Variants in LDB2 observed in about 807,000 individuals in gnomAD.
LDB2 encodes LIM domain-binding protein 2.
A neutral mutation model predicts 44.3 loss-of-function variants in LDB2; 12 were observed. The observed-to-expected ratio is 0.27, with a 90% CI of 0.17 to 0.44. The LOEUF is 0.44. Ranked by LOEUF, LDB2 falls within the 20% of genes least tolerant of loss-of-function variation. LDB2 has a pLI of 1.00. For missense variants in LDB2, 344 were observed against 473.5 expected (o/e 0.73, Z 2.54); for synonymous variants, 164 against 174.8 (o/e 0.94, Z 0.49).
chr4:16,773,166 T>C (rs1239617396), intron 1 of LDB2, among the ~76,000 whole-genome samples: 1 of 152,152 alleles, frequency 6.6e-6, no homozygotes, highest in African/African-American at 2.4e-5. Context: ...TAGGAGGATA[T>C]CTGTCTTTAT....
intron 1 of LDB2, among the ~76,000 whole-genome samples, chr4:16,821,779 T>G (rs942502864): frequency 2.8e-5 from 3 of 106,262 alleles, no homozygotes; most frequent in African/African-American, 9.6e-5. Flanking sequence ...AATCAGGAAT[T>G]TATAAGGTAA....
intron 5 of LDB2, among the ~76,000 whole-genome samples, chr4:16,568,342 A>G (rs1394074639): frequency 6.6e-6 from 1 of 152,208 alleles, no homozygotes; most frequent in African/African-American, 2.4e-5. Flanking sequence ...GGGAGTACAA[A>G]GGATTTATTT....
At chr4:16,679,898 G>A (rs1256525712) in intron 2 of LDB2, among the ~76,000 whole-genome samples, 1 of 152,190 alleles carries the variant, frequency 6.6e-6, no homozygotes, top group Non-Finnish European at 1.5e-5. Context: ...AGGAATGATT[G>A]TCCCTTTCTG....
chr4:16,858,297 G>C (rs2110237288), intron 1 of LDB2, among the ~76,000 whole-genome samples: 1 of 152,280 alleles, frequency 6.6e-6, no homozygotes, highest in Non-Finnish European at 1.5e-5. Flanking sequence ...GAATGGGCAG[G>C]CATGGTGAAA....
intron 7 of LDB2, among the ~76,000 whole-genome samples, chr4:16,503,812 A>AT (rs1235994567): frequency 6.6e-6 from 1 of 152,234 alleles, no homozygotes; most frequent in African/African-American, 2.4e-5. Context: ...TTGTCCTTCC[A>AT]TGCAAATAAG....
intron 5 of LDB2, chr4:16,581,299 G>T: frequency 2.2e-6 from 1 of 464,122 alleles, no homozygotes; most frequent in Non-Finnish European, 2.8e-6. Context: ...AAGGCTCAGA[G>T]AGGTCAAGCA....
At chr4:16,601,717 T>G (rs532485525) in intron 2 of LDB2, among the ~76,000 whole-genome samples, 1 of 152,196 alleles carries the variant, frequency 6.6e-6, no homozygotes, top group African/African-American at 2.4e-5. Context: ...AATTCTGCTA[T>G]ATCTCAAAAA....
At chr4:16,779,751 T>C (rs534427433) in intron 1 of LDB2, among the ~76,000 whole-genome samples, 46 of 152,364 alleles carry the variant, frequency 3.0e-4, no homozygotes, top group African/African-American at 1.1e-3. Flanking sequence ...TTCAGTTGAC[T>C]GAATGCAGTG....
At chr4:16,693,918 T>C (rs1307094743) in intron 2 of LDB2, among the ~76,000 whole-genome samples, 1 of 152,172 alleles carries the variant, frequency 6.6e-6, no homozygotes, top group Non-Finnish European at 1.5e-5. Flanking sequence ...GAGATGCAAA[T>C]TTATGGCAAT....
intron 5 of LDB2, among the ~76,000 whole-genome samples, chr4:16,569,935 A>G (rs1745817349): frequency 6.6e-6 from 1 of 152,178 alleles, no homozygotes; most frequent in Non-Finnish European, 1.5e-5. Flanking sequence ...AAGAACATCA[A>G]GTCTCTGGAG....
chr4:16,554,354 G>A lies in LDB2; in HGVS notation c.615+31568C>T, dbSNP rs530633921. 2.8e-4 allele frequency among the ~76,000 whole-genome samples: 43 copies of A among 152,186 alleles called. 1 individual carries two copies. The South Asian group carries it at 8.1e-3, about 29-fold the overall frequency. On this transcript the variant is annotated intron_variant, in intron 5 of 7. Coordinates refer to ENST00000304523, the MANE Select transcript of LDB2 (RefSeq NM_001290.5). ...TGTGAGCCACTGCGCCCGGCCAGCC[G>A]AAATGGTTTTTGAAACTCATCTTTT...
rs1421180717 is a variant in LDB2, at chr4:16,533,795, G to A, written c.616-21691C>T. On this transcript the variant is annotated intron_variant, in intron 5 of 7. Transcript: ENST00000304523. The surrounding 1 kb of genome is among the most constrained non-coding windows in gnomAD (Gnocchi z 4.1). ...GGAAAGGTGAAATTTTTAATTAAAT[G>A]TATTCAAAGGGAATACAGATTAATG... 1.3e-5 allele frequency among the ~76,000 whole-genome samples: 2 copies of A among 152,154 alleles called. No individual in the cohort carries two copies. Among genetic ancestry groups the A allele is most frequent in the Non-Finnish European group, 2.9e-5 (2 of 68,036 alleles).
chr4:16,792,584 G>A (rs573744946), intron 1 of LDB2, among the ~76,000 whole-genome samples: 1 of 152,278 alleles, frequency 6.6e-6, no homozygotes, highest in African/African-American at 2.4e-5. Flanking sequence ...CTCCTTCTGA[G>A]CAACTTCTCT....
chr4:16,745,652 A>T (rs1764244691), intron 2 of LDB2, among the ~76,000 whole-genome samples: 1 of 152,278 alleles, frequency 6.6e-6, no homozygotes. Context: ...TAAGAAAGAA[A>T]ATTTATAAAT....
intron 2 of LDB2, among the ~76,000 whole-genome samples, chr4:16,619,471 T>A (rs1424465337): frequency 6.6e-6 from 1 of 152,194 alleles, no homozygotes; most frequent in Non-Finnish European, 1.5e-5. Context: ...ATTCCCAAAC[T>A]GTTATGTTTC....
intron 1 of LDB2, among the ~76,000 whole-genome samples, chr4:16,877,453 T>C (rs1476425317): frequency 2.0e-5 from 3 of 152,210 alleles, no homozygotes; most frequent in Admixed American, 6.5e-5. Flanking sequence ...CGAAGTCATC[T>C]AGCAACTAAC....
chr4:16,584,806 G>A (rs1716151316), intron 5 of LDB2, among the ~76,000 whole-genome samples: 1 of 152,174 alleles, frequency 6.6e-6, no homozygotes, highest in Non-Finnish European at 1.5e-5. Flanking sequence ...ACAATAAGAG[G>A]AGTGGGGAGA....
At chr4:16,659,671 G>GTATATATATATATATATATA (rs58539901) in intron 2 of LDB2, among the ~76,000 whole-genome samples, 8 of 133,518 alleles carry the variant, frequency 6.0e-5, no homozygotes, top group African/African-American at 1.5e-4. Flanking sequence ...ATCTATGTGT[G>GTATATATATATATATATATA]TATATATATA....
At chr4:16,798,146 T>G (rs1233933287) in intron 1 of LDB2, among the ~76,000 whole-genome samples, 1 of 152,066 alleles carries the variant, frequency 6.6e-6, no homozygotes. Flanking sequence ...GTTCACAGGG[T>G]TATTGTGAGA....
Sources: gnomAD v4.1 joint callset for allele counts (sites outside exome capture counted in the v4.1 genomes callset) on GRCh38, gnomAD v4.1.1 for gene constraint, Gnocchi (gnomAD v3.1) non-coding constraint, MANE v1.5 for transcripts, NCBI Gene and HGNC (gene_info 2026-07-23, HGNC 2026-07-21) for gene names.